Variants in MINDY2 observed in about 807,000 individuals in gnomAD.
MINDY2 encodes MINDY lysine 48 deubiquitinase 2, also known as ubiquitin carboxyl-terminal hydrolase MINDY-2.
MINDY2 carries 52 observed loss-of-function variants against 68.2 expected under a neutral mutation model. The observed-to-expected ratio is 0.76, with a 90% CI of 0.61 to 0.96. The LOEUF (loss-of-function observed/expected upper bound fraction) is 0.96. Among genes scored for constraint, MINDY2 ranks in the 40% least tolerant of loss-of-function variants. The pLI, the probability that MINDY2 is intolerant of heterozygous loss-of-function variation, is 0.00. For missense variants in MINDY2, 881 were observed against 773.4 expected, an observed-to-expected ratio of 1.14 and a Z score of -1.65; for synonymous variants, 372 against 303.0, an observed-to-expected ratio of 1.23 and a Z score of -2.36.
At chr15:58,853,037 C>G (rs1304766145) in intron 8 of MINDY2, among the ~76,000 whole-genome samples, 2 of 135,436 alleles carry the variant, frequency 1.5e-5, no homozygotes, top group Admixed American at 1.7e-4. Flanking sequence ...TTGCCAACCT[C>G]TGCTTCCTGG....
rs1309607062 is a variant in MINDY2, at chr15:58,857,760, A to G, written c.*3150A>G. On this transcript the variant is annotated 3_prime_UTR_variant, in exon 9 of 9. Coordinates refer to ENST00000559228, the MANE Select transcript of MINDY2 (RefSeq NM_001040450.3). Reference sequence around the variant, plus strand: ...TTAAACATTTTTGTTTTTATCATTTATAGCCTAGATTAGGGACATATTTGC... The same window carrying G: ...TTAAACATTTTTGTTTTTATCATTTGTAGCCTAGATTAGGGACATATTTGC... The G allele has an allele frequency of 6.0e-4, 92 of 152,184 alleles. 2 individuals are homozygous for G. The allele number at this position is 152,184 out of a possible 1,614,324, so 9.4% of individuals were successfully genotyped here.
At chr15:58,838,605 G>C (rs868289694) in intron 6 of MINDY2, among the ~76,000 whole-genome samples, 2 of 12,582 alleles carry the variant, frequency 1.6e-4, no homozygotes, top group Non-Finnish European at 2.6e-4. Context: ...TTTTTTTTTT[G>C]AGATGGAGTC....
At chr15:58,830,471 A>G (rs1251943861) in intron 5 of MINDY2, among the ~76,000 whole-genome samples, 1 of 152,170 alleles carries the variant, frequency 6.6e-6, no homozygotes, top group African/African-American at 2.4e-5. Context: ...CAGATTTCTC[A>G]TTTTCAGATT....
At chr15:58,779,337 C>T (rs1900985777) in intron 1 of MINDY2, among the ~76,000 whole-genome samples, 1 of 152,206 alleles carries the variant, frequency 6.6e-6, no homozygotes, top group Admixed American at 6.5e-5. Context: ...AAGTGAGGCA[C>T]CATGAAGGTG....
At chr15:58,780,980 A>T (rs1356743476) in intron 1 of MINDY2, among the ~76,000 whole-genome samples, 3 of 152,206 alleles carry the variant, frequency 2.0e-5, no homozygotes, top group African/African-American at 7.2e-5. Flanking sequence ...GAGATATTTC[A>T]GCCTAGTAAG....
At chr15:58,812,923 A>G (rs1280974409) in intron 4 of MINDY2, among the ~76,000 whole-genome samples, 2 of 152,090 alleles carry the variant, frequency 1.3e-5, no homozygotes, top group African/African-American at 4.8e-5. Flanking sequence ...TAACACAAGA[A>G]TCCCGCCTGA....
chr15:58,846,445 T>C (rs1467888441), intron 6 of MINDY2, among the ~76,000 whole-genome samples: 2 of 151,844 alleles, frequency 1.3e-5, no homozygotes, highest in Admixed American at 1.3e-4. Context: ...TACAAAAAAT[T>C]AGCTGGGCAT....
intron 1 of MINDY2, 79 bp downstream of exon 1, chr15:58,772,314 G>C: frequency 6.4e-7 from 1 of 1,571,256 alleles, no homozygotes; most frequent in Non-Finnish European, 8.6e-7. Context: ...CATGTCAGGT[G>C]ATGGCTTCCT....
rs1412581735 is a variant in MINDY2 at position 58,851,576 on chromosome 15, C to T, written c.1543-195C>T. On this transcript the variant is annotated intron_variant, in intron 7 of 8. Coordinates refer to ENST00000559228, the MANE Select transcript of MINDY2 (RefSeq NM_001040450.3). Reference sequence around the variant, plus strand: ...GCCTCAGCCTCCCAAGTAGCTAGGACTATAGGTGCACACCACCACACCTGG... The same window carrying T: ...GCCTCAGCCTCCCAAGTAGCTAGGATTATAGGTGCACACCACCACACCTGG... Among the ~76,000 whole-genome samples, 3 of 150,580 alleles carry T rather than the reference C, an allele frequency of 2.0e-5. No homozygotes were observed. The East Asian group carries it at 6.1e-4, about 30-fold the overall frequency.
intron 1 of MINDY2, among the ~76,000 whole-genome samples, chr15:58,774,833 C>T (rs373621883): frequency 2.6e-5 from 4 of 152,214 alleles, no homozygotes; most frequent in Non-Finnish European, 5.9e-5. Flanking sequence ...AGGAGGTAAA[C>T]GAAATGGTGG....
intron 5 of MINDY2, among the ~76,000 whole-genome samples, chr15:58,828,610 G>T (rs2031546446): frequency 7.5e-6 from 1 of 133,010 alleles, no homozygotes. Flanking sequence ...CACCCAGGCT[G>T]GAGTGCAGTG....
chr15:58,772,050 A>G lies in MINDY2; in HGVS notation c.655A>G (p.Lys219Glu), dbSNP rs547008527. ...AVLPGAVPLCKEEEGEETAQV... is the reference protein window; with the variant it reads ...AVLPGAVPLCEEEEGEETAQV... ...GTTGCCCGGGGCTGTTCCTCTGTGCAAGGAGGAGGAGGGGGAGGAGACCGC... is the reference window on the plus strand; with the variant it reads ...GTTGCCCGGGGCTGTTCCTCTGTGCGAGGAGGAGGAGGGGGAGGAGACCGC... Residue 219 changes from lysine (K) to glutamate (E), a missense_variant, in exon 1 of 9, where the codon AAG (lysine) becomes GAG (glutamate). Transcript: ENST00000559228. The G allele has an allele frequency of 1.9e-5, 30 of 1,609,088 alleles. No individual in the cohort carries two copies. The highest frequency in any genetic ancestry group is 7.7e-5 in the South Asian group (7 of 90,416).
intron 5 of MINDY2, among the ~76,000 whole-genome samples, chr15:58,823,551 C>G (rs1489519056): frequency 6.6e-6 from 1 of 151,740 alleles, no homozygotes; most frequent in Non-Finnish European, 1.5e-5. Context: ...TCTAGCTCCA[C>G]GTACTTGGGA....
At chr15:58,832,196 G>A (rs1228646462) in intron 6 of MINDY2, among the ~76,000 whole-genome samples, 4 of 150,294 alleles carry the variant, frequency 2.7e-5, no homozygotes, top group African/African-American at 4.9e-5. Flanking sequence ...AGAAAAAAAA[G>A]ATAAACCCTA....
intron 2 of MINDY2, among the ~76,000 whole-genome samples, chr15:58,791,622 A>ATGTGTG (rs368688031): frequency 0.14 from 19,716 of 136,272 alleles, 1,475 homozygotes; most frequent in East Asian, 0.19. Context: ...GTCTCAAAAT[A>ATGTGTG]TGTGTGTGTG....
chr15:58,782,222 A>T (rs975085152), intron 1 of MINDY2, among the ~76,000 whole-genome samples: 2 of 152,112 alleles, frequency 1.3e-5, no homozygotes, highest in African/African-American at 2.4e-5. Flanking sequence ...AATTTCTACT[A>T]AAAAATCATG....
chr15:58,855,956 G>A lies in MINDY2; in HGVS notation c.*1346G>A, dbSNP rs2033047885. On this transcript the variant is annotated 3_prime_UTR_variant, in exon 9 of 9. Coordinates refer to ENST00000559228, the MANE Select transcript of MINDY2 (RefSeq NM_001040450.3). Reference sequence around the variant, plus strand: ...AGTCTGAGAGTAGCTAAGAATTTATGTAAAAGCAATCAGAGTTTTTAATTT... The same window carrying A: ...AGTCTGAGAGTAGCTAAGAATTTATATAAAAGCAATCAGAGTTTTTAATTT... 1 of 152,426 alleles carries A rather than the reference G, an allele frequency of 6.6e-6. No homozygotes were observed. Among genetic ancestry groups the A allele is most frequent in the African/African-American group, 2.4e-5 (1 of 41,414 alleles). The allele number at this position is 152,426 out of a possible 1,614,324, so 9.4% of individuals were successfully genotyped here.
intron 6 of MINDY2, among the ~76,000 whole-genome samples, chr15:58,836,059 G>A (rs925466546): frequency 2.6e-4 from 39 of 151,984 alleles, no homozygotes; most frequent in African/African-American, 8.7e-4. Flanking sequence ...ACAGGCGCCC[G>A]CCACCACACC....
rs770712491 is a variant in MINDY2, at chr15:58,810,305, C to G, written c.1039C>G (p.Arg347Gly). 1.9e-6 allele frequency: 3 copies of G among 1,613,678 alleles called. No individual in the cohort carries two copies. Among genetic ancestry groups the G allele is most frequent in the Non-Finnish European group, 2.5e-6 (3 of 1,179,862 alleles). Residue 347 changes from arginine (R) to glycine (G), a missense_variant, in exon 4 of 9, where the codon CGA becomes GGA. By Grantham distance (125) the Arg-to-Gly change is moderately radical. Coordinates refer to ENST00000559228, the MANE Select transcript of MINDY2 (RefSeq NM_001040450.3). ...LDVNVRFTGVRVFEYTPECIV... is the reference protein window; with the variant it reads ...LDVNVRFTGVGVFEYTPECIV... ...TGTAAATGTAAGATTCACTGGTGTT[C>G]GAGTGTTTGAATATACACCAGAATG...
Sources: gnomAD v4.1 joint callset for allele counts (sites outside exome capture counted in the v4.1 genomes callset) on GRCh38, gnomAD v4.1.1 for gene constraint, MANE v1.5 for transcripts, NCBI Gene and HGNC (gene_info 2026-07-23, HGNC 2026-07-21) for gene names.